ALK: variants seen among roughly 807,000 people sequenced by gnomAD.
ALK encodes ALK tyrosine kinase receptor.
Under a neutral mutation model 163.1 loss-of-function variants are expected in ALK, and 74 were observed. That is an observed-to-expected ratio of 0.45 (90% confidence interval 0.38 to 0.55). The LOEUF is 0.55. Among genes scored for constraint, ALK ranks in the 20% least tolerant of loss-of-function variants. The probability of loss-of-function intolerance (pLI) is 0.00; values close to 1 mark genes in which losing one functional copy is unlikely to be tolerated. For missense variants in ALK, 2,063 were observed against 2,105.3 expected (o/e 0.98, Z 0.39); for synonymous variants, 960 against 843.2 (o/e 1.14, Z -2.40).
At chr2:29,670,751 A>G (rs1677658466) in intron 3 of ALK, among the ~76,000 whole-genome samples, 1 of 151,694 alleles carries the variant, frequency 6.6e-6, no homozygotes, top group Non-Finnish European at 1.5e-5. Flanking sequence ...GAGCTCACTG[A>G]TTTTTCCTCT....
chr2:29,673,359 G>T (rs1272641381), intron 3 of ALK, among the ~76,000 whole-genome samples: 1 of 128,700 alleles, frequency 7.8e-6, no homozygotes, highest in African/African-American at 3.3e-5. Context: ...TTTGTATAAG[G>T]TGTAAGGAAG....
chr2:29,483,577 G>A (rs4666228), intron 4 of ALK, among the ~76,000 whole-genome samples: 74,213 of 152,080 alleles, frequency 0.49, 19,615 homozygotes, highest in South Asian at 0.62. Flanking sequence ...TCTAAATAAC[G>A]TTTTACTTTT....
chr2:29,743,217 G>A (rs1029154239), intron 1 of ALK, among the ~76,000 whole-genome samples: 12 of 152,166 alleles, frequency 7.9e-5, no homozygotes, highest in South Asian at 2.1e-4. Context: ...GATTTCTAAA[G>A]CTTCTACAAT....
intron 1 of ALK, among the ~76,000 whole-genome samples, chr2:29,873,436 C>A (rs1360922142): frequency 6.6e-6 from 1 of 152,108 alleles, no homozygotes; most frequent in Non-Finnish European, 1.5e-5. Context: ...AGAGTGCTGG[C>A]ATTTGTCAGG....
chr2:29,428,983 A>G (rs1384686309), intron 4 of ALK, among the ~76,000 whole-genome samples: 1 of 152,036 alleles, frequency 6.6e-6, no homozygotes, highest in East Asian at 1.9e-4. Context: ...AAACCACATC[A>G]GTAGAGTAGA....
intron 1 of ALK, among the ~76,000 whole-genome samples, chr2:29,778,520 A>G (rs1156531980): frequency 6.6e-6 from 1 of 152,148 alleles, no homozygotes; most frequent in Non-Finnish European, 1.5e-5. Flanking sequence ...GGGTGCAGGC[A>G]TCGTGTGTGT....
chr2:29,556,335 G>A (rs1316454497), intron 3 of ALK, among the ~76,000 whole-genome samples: 1 of 152,134 alleles, frequency 6.6e-6, no homozygotes, highest in Non-Finnish European at 1.5e-5. Context: ...TCTCACGGAG[G>A]AAACCCATGT....
At chr2:29,276,510 G>A (rs1229217970) in intron 9 of ALK, among the ~76,000 whole-genome samples, 3 of 152,158 alleles carry the variant, frequency 2.0e-5, no homozygotes, top group Non-Finnish European at 2.9e-5. Flanking sequence ...CCTCCAGAAC[G>A]TCAATCCAGA....
chr2:29,439,415 C>T (rs1670480767), intron 4 of ALK, among the ~76,000 whole-genome samples: 1 of 151,794 alleles, frequency 6.6e-6, no homozygotes, highest in Admixed American at 6.6e-5. Flanking sequence ...TGTATAAAAC[C>T]ATACTGTTTA....
chr2:29,411,315 G>A (rs1174144249), intron 4 of ALK, among the ~76,000 whole-genome samples: 2 of 152,172 alleles, frequency 1.3e-5, no homozygotes, highest in East Asian at 3.9e-4. Flanking sequence ...CTGTTCTAGA[G>A]GAGCTGTCAC....
chr2:29,303,331 G>A (rs536719524), intron 8 of ALK, among the ~76,000 whole-genome samples: 1 of 152,060 alleles, frequency 6.6e-6, no homozygotes, highest in Non-Finnish European at 1.5e-5. Flanking sequence ...AAACCAATGA[G>A]ATACCATCTC....
intron 8 of ALK, among the ~76,000 whole-genome samples, chr2:29,300,283 T>G (rs1666331007): frequency 6.6e-6 from 1 of 152,092 alleles, no homozygotes; most frequent in South Asian, 2.1e-4. Context: ...GCACGGTGGC[T>G]CACACCTGTA....
intron 4 of ALK, among the ~76,000 whole-genome samples, chr2:29,408,331 G>A (rs1471702391): frequency 2.0e-5 from 3 of 151,454 alleles, no homozygotes; most frequent in Admixed American, 1.3e-4. Flanking sequence ...CTCATGATCC[G>A]CCTGCCTCGG....
At chr2:29,630,811 A>G (rs1173303140) in intron 3 of ALK, among the ~76,000 whole-genome samples, 1 of 152,148 alleles carries the variant, frequency 6.6e-6, no homozygotes, top group Non-Finnish European at 1.5e-5. Flanking sequence ...TAGCCTAGTT[A>G]CTTACTGACA....
chr2:29,523,523 T>C (rs1672870439), intron 4 of ALK, among the ~76,000 whole-genome samples: 2 of 152,192 alleles, frequency 1.3e-5, no homozygotes, highest in Admixed American at 6.5e-5. Context: ...TTGACACCAG[T>C]GTTCTATCAC....
intron 9 of ALK, among the ~76,000 whole-genome samples, chr2:29,284,801 T>C (rs1478960248): frequency 6.6e-6 from 1 of 152,250 alleles, no homozygotes; most frequent in Non-Finnish European, 1.5e-5. Flanking sequence ...GAATTATGAA[T>C]GTTTGATTTC....
chr2:29,487,634 A>AAT (rs912144710), intron 4 of ALK, among the ~76,000 whole-genome samples: 12 of 152,158 alleles, frequency 7.9e-5, no homozygotes, highest in African/African-American at 2.9e-4. Flanking sequence ...TCCTAATAGA[A>AAT]ATATAGGGTT....
chr2:29,565,677 A>G (rs1420022706), intron 3 of ALK, among the ~76,000 whole-genome samples: 1 of 152,104 alleles, frequency 6.6e-6, no homozygotes, highest in African/African-American at 2.4e-5. Context: ...GGCTTGTCAC[A>G]AAGAAGAGCA....
At chr2:29,519,580 C>T (rs1672759046) in intron 4 of ALK, among the ~76,000 whole-genome samples, 1 of 152,214 alleles carries the variant, frequency 6.6e-6, no homozygotes. Flanking sequence ...CCTGCTGCCA[C>T]CACCTCCTGG....
Sources: allele counts gnomAD v4.1 joint callset (sites outside exome capture counted in the v4.1 genomes callset), GRCh38; gene constraint gnomAD v4.1.1; transcripts MANE v1.5; gene names NCBI Gene and HGNC (gene_info 2026-07-23, HGNC 2026-07-21).